GAR1: variants seen among roughly 807,000 people sequenced by gnomAD.
GAR1 encodes GAR1 ribonucleoprotein.
GAR1 carries 11 observed loss-of-function variants against 29.3 expected under a neutral mutation model. The observed-to-expected ratio is 0.38, with a 90% CI of 0.24 to 0.62. The LOEUF is 0.62. GAR1 is among the 20% of genes least tolerant of loss of function. The pLI is 0.62. For synonymous variants in GAR1, 87 were observed against 93.3 expected (o/e 0.93, Z 0.39); for missense variants, 237 against 268.4 (o/e 0.88, Z 0.82).
chr4:109,823,940 T>C, intron 5 of GAR1, 25 bp from the exon 6 acceptor site: 1 of 1,474,560 alleles, frequency 6.8e-7, no homozygotes, highest in Non-Finnish European at 9.5e-7. Flanking sequence ...ATACTTTGCG[T>C]TATTATTTAA....
Position 109,817,205 on chromosome 4 carries a change from A to G in GAR1, c.215-731A>G, listed in dbSNP as rs531493733. Among the ~76,000 whole-genome samples, 115 of 152,166 alleles carry G rather than the reference A, an allele frequency of 7.6e-4. 2 individuals are homozygous for G. The highest frequency in any genetic ancestry group is 3.4e-3 in the Middle Eastern group (1 of 294). Reference sequence around the variant, plus strand: ...CTGAATCAGGATGGTGACAGTGAGGAAAAAAAAGGAAGGGTTAGATAGGAG... The same window carrying G: ...CTGAATCAGGATGGTGACAGTGAGGGAAAAAAAGGAAGGGTTAGATAGGAG... On this transcript the variant is annotated intron_variant, in intron 2 of 6. Transcript: ENST00000226796.
upstream of GAR1, chr4:109,815,710 T>C (rs1374984220): frequency 5.7e-6 from 1 of 176,590 alleles, no homozygotes; most frequent in Non-Finnish European, 1.2e-5. Context: ...AAAAACTCTG[T>C]GGCGGTACGG....
Position 109,816,213 on chromosome 4 carries a change from G to C in GAR1, c.49G>C (p.Gly17Arg). Residue 17 changes from glycine to arginine, a missense_variant, in exon 2 of 7, where the codon GGT (glycine) becomes CGT (arginine). Gly to Arg is a moderately radical substitution (Grantham distance 125). Transcript: ENST00000226796. The stretch of plus-strand genomic sequence containing the variant: ...TGGAGGCTTTAATCGAGGTGGTGGA[G>C]GTGGCGGCTTCAACCGAGGTGGCAG... The part of the protein sequence containing the change: ...GRGGFNRGGG[G>R]GGFNRGGSSN... 1.9e-6 allele frequency: 3 copies of C among 1,611,240 alleles called. No homozygotes were observed. Among genetic ancestry groups the C allele is most frequent in the Non-Finnish European group, 2.5e-6 (3 of 1,178,796 alleles).
chr4:109,818,320 A>G (rs926873423), intron 3 of GAR1, among the ~76,000 whole-genome samples: 5 of 152,090 alleles, frequency 3.3e-5, no homozygotes, highest in African/African-American at 9.7e-5. Flanking sequence ...AATGATGGCC[A>G]TTTGGATAAG....
At chr4:109,816,092 G>T (rs1733340247) in intron 1 of GAR1, 61 bp from the exon 2 acceptor site, 1 of 1,470,740 alleles carries the variant, frequency 6.8e-7, no homozygotes, top group South Asian at 1.1e-5. Context: ...AGCTCCGAGG[G>T]GTTGGAGTAT....
At chr4:109,821,038 A>G (rs868089284) in intron 4 of GAR1, among the ~76,000 whole-genome samples, 1 of 152,104 alleles carries the variant, frequency 6.6e-6, no homozygotes, top group South Asian at 2.1e-4. Context: ...TTAATTACAG[A>G]TACTAACTTG....
At chr4:109,816,978 G>A (rs972674089) in intron 2 of GAR1, among the ~76,000 whole-genome samples, 2 of 152,238 alleles carry the variant, frequency 1.3e-5, no homozygotes, top group African/African-American at 4.8e-5. Context: ...ATTTAGGGTA[G>A]TTTTAGAGTA....
chr4:109,820,682 A>G (rs959058689), intron 4 of GAR1, among the ~76,000 whole-genome samples: 14 of 152,196 alleles, frequency 9.2e-5, no homozygotes, highest in Admixed American at 5.2e-4. Flanking sequence ...CAAAGTGTTC[A>G]TTGGAAGACA....
rs552081842 is a variant in GAR1 at position 109,823,762 on chromosome 4, A to C, written c.572-203A>C. The stretch of plus-strand genomic sequence containing the variant: ...TAGCCTGTTGCCCAGTTGGTAAACT[A>C]CTACAGTTTCTCCATTTTTATCTTC... On this transcript the variant is annotated intron_variant, in intron 5 of 6. Transcript: ENST00000226796. Among the ~76,000 whole-genome samples the C allele has an allele frequency of 7.9e-5, 12 of 152,290 alleles. No individual in the cohort carries two copies. The East Asian group carries it at 2.3e-3, about 29-fold the overall frequency.
chr4:109,822,592 C>CT (rs1323722120), intron 5 of GAR1, 104 bp downstream of exon 5: 5 of 1,182,834 alleles, frequency 4.2e-6, no homozygotes, highest in Non-Finnish European at 5.6e-6. Context: ...CCTTATGGTT[C>CT]TTTTTATTAA....
Position 109,818,017 on chromosome 4 carries a change from A to G in GAR1, c.296A>G (p.Asn99Ser), listed in dbSNP as rs778820942. The change falls in exon 3 of 7, where the codon AAT becomes AGT. Residue 99 changes from asparagine to serine, a missense_variant. Coordinates refer to ENST00000226796, the MANE Select transcript of GAR1 (RefSeq NM_018983.4). ...TTDENKVPYF[N>S]APVYLENKEQ... Reference sequence around the variant, plus strand: ...GATGAAAATAAGGTGCCTTATTTCAATGCTCCTGTTTACTTAGAAAACAAA... The same window carrying G: ...GATGAAAATAAGGTGCCTTATTTCAGTGCTCCTGTTTACTTAGAAAACAAA... 5 of 1,607,038 alleles carry G rather than the reference A, an allele frequency of 3.1e-6. No individual in the cohort carries two copies. The East Asian group carries it at 6.7e-5, about 22-fold the overall frequency.
chr4:109,821,865 TA>T (rs1733522478), intron 4 of GAR1, among the ~76,000 whole-genome samples: 1 of 151,870 alleles, frequency 6.6e-6, no homozygotes, highest in Non-Finnish European at 1.5e-5. Context: ...ATTTTACAGA[TA>T]AGGAAACTAA....
Position 109,817,916 on chromosome 4 carries a change from A to G in GAR1, c.215-20A>G. The G allele has an allele frequency of 6.3e-7, 1 of 1,587,000 alleles. No individual in the cohort carries two copies. The highest frequency in any genetic ancestry group is 8.6e-7 in the Non-Finnish European group (1 of 1,168,404). Reference sequence around the variant, plus strand: ...GTTTGAAATAGTTCTATGTTTTAACATTTTCTTGTCCTGTTTCAGTATTAG... The same window carrying G: ...GTTTGAAATAGTTCTATGTTTTAACGTTTTCTTGTCCTGTTTCAGTATTAG... On this transcript the variant is annotated intron_variant, in intron 2 of 6. Coordinates refer to ENST00000226796, the MANE Select transcript of GAR1 (RefSeq NM_018983.4).
intron 4 of GAR1, among the ~76,000 whole-genome samples, chr4:109,821,412 A>G (rs1733508566): frequency 1.3e-5 from 2 of 152,246 alleles, no homozygotes; most frequent in Admixed American, 6.5e-5. Context: ...AGATCTTATT[A>G]TAAGTCATAT....
At position 109,822,626 on chromosome 4, in the gene GAR1, T is replaced by C; in HGVS notation, c.571+138T>C. 5 of 790,626 alleles carry C rather than the reference T, an allele frequency of 6.3e-6. No individual in the cohort carries two copies. In the South Asian group the frequency reaches 1.1e-4, roughly 18 times the overall value. 49.0% of individuals were successfully genotyped at this position (790,626 alleles called of 1,614,324 possible). On this transcript the variant is annotated intron_variant, in intron 5 of 6. Transcript: ENST00000226796. ...AAAGCTGCTTTCCAATATTGGCAGA[T>C]TGTCCATAATAATAATGCTTCATTT... is the stretch of plus-strand genomic sequence containing the variant.
intron 2 of GAR1, among the ~76,000 whole-genome samples, chr4:109,817,378 A>C (rs1402333443): frequency 1.3e-5 from 2 of 152,180 alleles, no homozygotes; most frequent in Non-Finnish European, 2.9e-5. Flanking sequence ...GTTAGAAATA[A>C]AGGTAGTTAT....
intron 4 of GAR1, among the ~76,000 whole-genome samples, chr4:109,820,325 G>C (rs1240400923): frequency 6.6e-6 from 1 of 152,160 alleles, no homozygotes; most frequent in African/African-American, 2.4e-5. Context: ...TGCAGAGGAG[G>C]GGGATTGGGG....
At chr4:109,822,877 T>G (rs1015229324) in intron 5 of GAR1, among the ~76,000 whole-genome samples, 3 of 152,224 alleles carry the variant, frequency 2.0e-5, no homozygotes, top group African/African-American at 7.2e-5. Flanking sequence ...CCTTTTGAGA[T>G]AGATGATATC....
At chr4:109,823,346 G>C (rs1465725265) in intron 5 of GAR1, among the ~76,000 whole-genome samples, 1 of 152,084 alleles carries the variant, frequency 6.6e-6, no homozygotes, top group African/African-American at 2.4e-5. Flanking sequence ...CTCCATAAAG[G>C]TATTTTTTTG....
Sources: gnomAD v4.1 joint callset for allele counts (sites outside exome capture counted in the v4.1 genomes callset) on GRCh38, gnomAD v4.1.1 for gene constraint, MANE v1.5 for transcripts, NCBI Gene and HGNC (gene_info 2026-07-23, HGNC 2026-07-21) for gene names.